Variants in BMP6 observed in about 807,000 individuals in gnomAD.
BMP6 encodes the protein VG-1-R.
In BMP6, 17 loss-of-function variants were observed where a neutral mutation model predicts 54.1. That is an observed-to-expected ratio of 0.31 (90% CI 0.22 to 0.47). The LOEUF (loss-of-function observed/expected upper bound fraction) is 0.47, where lower values mean the gene tolerates loss of function less well. Ranked by LOEUF, BMP6 falls within the 20% of genes least tolerant of loss-of-function variation. The probability of loss-of-function intolerance (pLI) is 1.00; values close to 1 mark genes in which losing one functional copy is unlikely to be tolerated. For missense variants in BMP6, 720 were observed against 690.4 expected, an observed-to-expected ratio of 1.04 and a Z score of -0.48; for synonymous variants, 328 against 291.2, an observed-to-expected ratio of 1.13 and a Z score of -1.28.
chr6:7,867,334 A>T lies in BMP6; in HGVS notation c.1204+4836A>T, dbSNP rs925449357. Among the ~76,000 whole-genome samples, 4 of 152,334 alleles carry T rather than the reference A, an allele frequency of 2.6e-5. No homozygotes were observed. In the South Asian group the frequency reaches 8.3e-4, roughly 32 times the overall value. ...TCCTTTAAGCTTCCCGGTTGGGACT[A>T]TTCAATAGGCTTTCAGCGTAAATTA... On this transcript the variant is annotated intron_variant, in intron 4 of 6. Transcript: ENST00000283147.
intron 1 of BMP6, among the ~76,000 whole-genome samples, chr6:7,771,578 C>T (rs527684879): frequency 6.6e-6 from 1 of 152,250 alleles, no homozygotes; most frequent in African/African-American, 2.4e-5. Flanking sequence ...GTGGAGCGGA[C>T]ATTAAGCCCA....
intron 1 of BMP6, among the ~76,000 whole-genome samples, chr6:7,811,254 T>C (rs1429627936): frequency 1.3e-5 from 2 of 152,170 alleles, no homozygotes; most frequent in Non-Finnish European, 2.9e-5. Flanking sequence ...TAGCAATGAT[T>C]CCCAGGTGAA....
intron 1 of BMP6, among the ~76,000 whole-genome samples, chr6:7,758,999 T>C (rs1293896814): frequency 1.3e-5 from 2 of 152,230 alleles, no homozygotes; most frequent in Non-Finnish European, 2.9e-5. Flanking sequence ...GAGCAGAGAC[T>C]GTCTTATTCT....
At chr6:7,761,349 T>C (rs190494594) in intron 1 of BMP6, among the ~76,000 whole-genome samples, 85 of 152,296 alleles carry the variant, frequency 5.6e-4, no homozygotes, top group Non-Finnish European at 1.8e-4. Context: ...TCCAGTAGAG[T>C]GTTCCAGCAG....
chr6:7,804,262 A>G (rs1758313725), intron 1 of BMP6, among the ~76,000 whole-genome samples: 1 of 150,952 alleles, frequency 6.6e-6, no homozygotes, highest in Non-Finnish European at 1.5e-5. Context: ...CGGGTAGGAA[A>G]TTAAAGCAGA....
At chr6:7,830,762 C>T (rs765485519) in intron 1 of BMP6, among the ~76,000 whole-genome samples, 4 of 152,106 alleles carry the variant, frequency 2.6e-5, no homozygotes, top group Non-Finnish European at 5.9e-5. Context: ...TTTATGAAAT[C>T]ATCAGATCTC....
chr6:7,727,549 C>T lies in BMP6; in HGVS notation c.594C>T (p.Ser198=), dbSNP rs781137454. Residue 198 remains serine, a synonymous_variant, in exon 1 of 7, where the codon TCC becomes TCT. Coordinates refer to ENST00000283147, the MANE Select transcript of BMP6 (RefSeq NM_001718.6). ...CCGGATCTGGCAGCGGCGGCGCGTC[C>T]CCACTGACCAGCGCGCAGGACAGCG... ...LAPGSGSGGA[S]PLTSAQDSAF... The T allele has an allele frequency of 3.8e-6, 6 of 1,594,500 alleles. No individual in the cohort carries two copies. The highest frequency in any genetic ancestry group is 1.7e-6 in the Non-Finnish European group (2 of 1,177,706).
At chr6:7,766,345 G>T (rs938980716) in intron 1 of BMP6, among the ~76,000 whole-genome samples, 2 of 152,194 alleles carry the variant, frequency 1.3e-5, no homozygotes, top group Admixed American at 6.5e-5. Context: ...GGGTGTGGTG[G>T]CTTACACCTG....
intron 1 of BMP6, among the ~76,000 whole-genome samples, chr6:7,742,331 T>G (rs1757280288): frequency 6.6e-6 from 1 of 152,234 alleles, no homozygotes; most frequent in South Asian, 2.1e-4. Context: ...TTCCTGGTTG[T>G]GCCAGGCAGA....
chr6:7,864,474 C>T (rs1759387625), intron 4 of BMP6, among the ~76,000 whole-genome samples: 1 of 152,054 alleles, frequency 6.6e-6, no homozygotes, highest in Non-Finnish European at 1.5e-5. Flanking sequence ...TGTTGGGATC[C>T]CTGGAAAACA....
intron 1 of BMP6, among the ~76,000 whole-genome samples, chr6:7,794,063 G>A (rs910027464): frequency 2.0e-5 from 3 of 152,210 alleles, no homozygotes; most frequent in African/African-American, 7.2e-5. Flanking sequence ...CATGGGTAAG[G>A]CTCGTACTCA....
chr6:7,779,906 G>C (rs1040422374), intron 1 of BMP6, among the ~76,000 whole-genome samples: 1 of 152,106 alleles, frequency 6.6e-6, no homozygotes, highest in African/African-American at 2.4e-5. Flanking sequence ...GTGTCTTTTT[G>C]TGGTGTCTGG....
intron 1 of BMP6, among the ~76,000 whole-genome samples, chr6:7,834,353 T>G (rs890474634): frequency 1.3e-5 from 2 of 151,568 alleles, no homozygotes; most frequent in African/African-American, 2.4e-5. Context: ...GAGAGTAATT[T>G]CAGTCCCCCA....
intron 1 of BMP6, among the ~76,000 whole-genome samples, chr6:7,747,567 GA>G (rs896604872): frequency 1.4e-4 from 21 of 152,276 alleles, no homozygotes; most frequent in African/African-American, 4.8e-4. Flanking sequence ...AATGAGCAAG[GA>G]AACATATCCT....
chr6:7,795,470 A>G (rs1378898124), intron 1 of BMP6, among the ~76,000 whole-genome samples: 2 of 152,190 alleles, frequency 1.3e-5, no homozygotes, highest in Non-Finnish European at 2.9e-5. Flanking sequence ...TCCCCAAGGC[A>G]GAGGGATGTG....
intron 1 of BMP6, among the ~76,000 whole-genome samples, chr6:7,749,123 G>C (rs1018778464): frequency 2.0e-5 from 3 of 152,190 alleles, no homozygotes; most frequent in African/African-American, 7.2e-5. Flanking sequence ...GGCAATCACT[G>C]ATGAACCCTT....
At position 7,727,594 on chromosome 6, in the gene BMP6, C is replaced by G. The variant is rs924899790; in HGVS notation, c.639C>G (p.Asp213Glu). ...AQDSAFLNDADMVMSFVNLVE... is the reference protein window; with the variant it reads ...AQDSAFLNDAEMVMSFVNLVE... The stretch of plus-strand genomic sequence containing the variant: ...ACAGCGCCTTCCTCAACGACGCGGA[C>G]ATGGTCATGAGCTTTGTGAACCTGG... Residue 213 changes from aspartate (D) to glutamate (E), a missense_variant, in exon 1 of 7, where the codon GAC becomes GAG. This residue lies in a region of BMP6 where 650 missense variants were observed against 556.3 expected (regional missense o/e 1.17). Transcript: ENST00000283147. 1 of 1,576,996 alleles carries G rather than the reference C, an allele frequency of 6.3e-7. No homozygotes were observed. Among genetic ancestry groups the G allele is most frequent in the African/African-American group, 1.4e-5 (1 of 73,622 alleles).
In BMP6 at chr6:7,881,499, T is replaced by C. The variant is rs915188082; in HGVS notation, c.*1156T>C. ...ATTTTATATCTGTTTTGCTGTAACA[T>C]TGAAGGAAAGACCAGACTTTTAAAA... On this transcript the variant is annotated 3_prime_UTR_variant, in exon 7 of 7. Coordinates refer to ENST00000283147, the MANE Select transcript of BMP6 (RefSeq NM_001718.6). 4 of 152,538 alleles carry C rather than the reference T, an allele frequency of 2.6e-5. No homozygotes were observed. The highest frequency in any genetic ancestry group is 4.8e-5 in the African/African-American group (2 of 41,414). 9.4% of individuals were successfully genotyped at this position (152,538 alleles called of 1,614,324 possible).
At chr6:7,754,058 A>G (rs1387979364) in intron 1 of BMP6, among the ~76,000 whole-genome samples, 1 of 152,008 alleles carries the variant, frequency 6.6e-6, no homozygotes, top group African/African-American at 2.4e-5. Context: ...TATTGGGTAG[A>G]GTGTTCAATA....
Sources: allele counts gnomAD v4.1 joint callset (sites outside exome capture counted in the v4.1 genomes callset), GRCh38; gene constraint gnomAD v4.1.1; regional missense constraint gnomAD v4.1.1; transcripts MANE v1.5; gene names NCBI Gene and HGNC (gene_info 2026-07-23, HGNC 2026-07-21).